ETS1: variants seen among roughly 807,000 people sequenced by gnomAD.
The protein encoded by ETS1 is protein C-ets-1.
Under a neutral mutation model 58.6 loss-of-function variants are expected in ETS1, and 15 were observed. That is an observed-to-expected ratio of 0.26 (90% CI 0.17 to 0.39). The LOEUF (loss-of-function observed/expected upper bound fraction) is 0.39. Ranked by LOEUF, ETS1 falls within the 10% of genes least tolerant of loss-of-function variation. The pLI, the probability that ETS1 is intolerant of heterozygous loss-of-function variation, is 1.00. For synonymous variants in ETS1, 214 were observed against 218.2 expected, an observed-to-expected ratio of 0.98 and a Z score of 0.17; for missense variants, 417 against 610.5, an observed-to-expected ratio of 0.68 and a Z score of 3.34.
chr11:128,522,007 G>C, intron 3 of ETS1: 4 of 1,582,054 alleles, frequency 2.5e-6, no homozygotes, highest in Non-Finnish European at 3.4e-6. Flanking sequence ...TGCCAGGAGT[G>C]GGGGACGTAC....
chr11:128,542,918 A>G (rs969455404), intron 3 of ETS1, among the ~76,000 whole-genome samples: 11 of 152,112 alleles, frequency 7.2e-5, no homozygotes, highest in African/African-American at 2.7e-4. Flanking sequence ...CACACCTGTA[A>G]TCCCAGCACT....
At chr11:128,567,853 C>T (rs1022901565) in intron 2 of ETS1, among the ~76,000 whole-genome samples, 3 of 152,064 alleles carry the variant, frequency 2.0e-5, no homozygotes, top group Admixed American at 2.0e-4. Flanking sequence ...AGGCTGGTCT[C>T]GAACTCCTGA....
chr11:128,521,599 C>T (rs960433472), intron 3 of ETS1, among the ~76,000 whole-genome samples: 3 of 152,126 alleles, frequency 2.0e-5, no homozygotes, highest in African/African-American at 7.2e-5. Flanking sequence ...AGAGGGTTCT[C>T]GCTCATTTGG....
At chr11:128,564,483 C>G (rs570310937) in intron 2 of ETS1, among the ~76,000 whole-genome samples, 8 of 152,220 alleles carry the variant, frequency 5.3e-5, no homozygotes, top group Non-Finnish European at 8.8e-5. Flanking sequence ...TAGGGACCCC[C>G]TGGGGAAGCA....
At chr11:128,468,923 G>T (rs1176632233) in intron 8 of ETS1, among the ~76,000 whole-genome samples, 1 of 152,158 alleles carries the variant, frequency 6.6e-6, no homozygotes, top group African/African-American at 2.4e-5. Context: ...ATCTTACTGA[G>T]CCATATATCC....
intron 3 of ETS1, among the ~76,000 whole-genome samples, chr11:128,494,839 G>A (rs886853314): frequency 1.3e-5 from 2 of 152,128 alleles, no homozygotes; most frequent in East Asian, 3.9e-4. Flanking sequence ...TGGGATCCTA[G>A]GGTTAGGAGA....
intron 5 of ETS1, among the ~76,000 whole-genome samples, chr11:128,488,201 A>T (rs1482365825): frequency 3.3e-5 from 5 of 152,222 alleles, no homozygotes; most frequent in Non-Finnish European, 7.3e-5. Flanking sequence ...TGCATGGAGA[A>T]CATGCCGGTG....
rs1332672790 is a variant in ETS1 at position 128,549,588 on chromosome 11, G to A, written c.214+6703C>T. Reference sequence around the variant, plus strand: ...AATGCTGTTACTTCCTAGGATGTTCGAGAAGCTGCGAGTTCGAGGGCGGGC... The same window carrying A: ...AATGCTGTTACTTCCTAGGATGTTCAAGAAGCTGCGAGTTCGAGGGCGGGC... On this transcript the variant is annotated intron_variant, in intron 3 of 9. Coordinates refer to ENST00000392668, the MANE Select transcript of ETS1 (RefSeq NM_001143820.2). This position sits in a 1 kb window ranked among gnomAD's most constrained non-coding sequence, Gnocchi z 4.3. 6.6e-6 allele frequency among the ~76,000 whole-genome samples: 1 copy of A among 152,168 alleles called. No individual in the cohort carries two copies. The highest frequency in any genetic ancestry group is 1.5e-5 in the Non-Finnish European group (1 of 68,014).
At chr11:128,542,027 T>C (rs779844166) in intron 3 of ETS1, among the ~76,000 whole-genome samples, 3 of 152,210 alleles carry the variant, frequency 2.0e-5, no homozygotes, top group African/African-American at 7.2e-5. Context: ...AGTCTTTTCC[T>C]TCTTTTTCCA....
chr11:128,545,021 G>A (rs555486510), intron 3 of ETS1, among the ~76,000 whole-genome samples: 7 of 148,044 alleles, frequency 4.7e-5, no homozygotes, highest in Non-Finnish European at 1.1e-4. Context: ...CTGGTTGGGG[G>A]TGGGGGGGGC....
chr11:128,463,564 G>C lies in ETS1; in HGVS notation c.1187C>G (p.Ser396Cys), dbSNP rs1334454051. 6.2e-7 allele frequency: 1 copy of C among 1,613,382 alleles called. No homozygotes were observed. Among genetic ancestry groups the C allele is most frequent in the South Asian group, 1.1e-5 (1 of 91,048 alleles). Residue 396 changes from serine (S) to cysteine (C), a missense_variant, in exon 9 of 10, where the codon TCT becomes TGT. Ser to Cys is a moderately radical substitution (Grantham distance 112). Around this residue, in one of 4 missense-constraint regions of ETS1, gnomAD observed 56 missense variants for 156.1 expected, o/e 0.36. Coordinates refer to ENST00000392668, the MANE Select transcript of ETS1 (RefSeq NM_001143820.2). This position sits in a 1 kb window ranked among gnomAD's most constrained non-coding sequence, Gnocchi z 4.1. ...GCCATCTCCTGTCCAGCTGATAAAA[G>C]ACTGACAGGATTTATCAGTGAGTAA... ...LELLTDKSCQ[S>C]FISWTGDGWE...
intron 3 of ETS1, among the ~76,000 whole-genome samples, chr11:128,502,221 G>A (rs1863109574): frequency 6.6e-6 from 1 of 152,186 alleles, no homozygotes; most frequent in Non-Finnish European, 1.5e-5. Flanking sequence ...CAAGAAGGCT[G>A]CCTGCTTAGA....
chr11:128,470,250 T>A (rs1162045437), intron 8 of ETS1, among the ~76,000 whole-genome samples: 2 of 152,070 alleles, frequency 1.3e-5, no homozygotes, highest in African/African-American at 2.4e-5. Context: ...GTCAAAAAAT[T>A]TAAAAATAAA....
intron 3 of ETS1, among the ~76,000 whole-genome samples, chr11:128,498,969 T>C (rs531899936): frequency 6.6e-6 from 1 of 152,242 alleles, no homozygotes; most frequent in Non-Finnish European, 1.5e-5. Context: ...CACAGAGCCA[T>C]GGTCTCTACA....
At chr11:128,476,902 G>C (rs1862338584) in intron 8 of ETS1, among the ~76,000 whole-genome samples, 1 of 152,234 alleles carries the variant, frequency 6.6e-6, no homozygotes, top group Non-Finnish European at 1.5e-5. Context: ...AGGCTTTCAA[G>C]CCACGTTATC....
chr11:128,533,950 CT>C (rs750142150), intron 3 of ETS1, among the ~76,000 whole-genome samples: 2 of 152,204 alleles, frequency 1.3e-5, no homozygotes, highest in African/African-American at 2.4e-5. Flanking sequence ...AAAATAACCA[CT>C]TTATACCAAA....
chr11:128,527,372 C>T (rs1775323503), intron 3 of ETS1: 1 of 168,842 alleles, frequency 5.9e-6, no homozygotes, highest in Non-Finnish European at 1.3e-5. Flanking sequence ...GCAGTTTAGA[C>T]ACGTATTCCT....
chr11:128,526,771 A>T, intron 3 of ETS1: 1 of 347,618 alleles, frequency 2.9e-6, no homozygotes, highest in South Asian at 2.1e-5. Flanking sequence ...AAATTCTGAA[A>T]GAAGATCACA....
At chr11:128,572,483 T>A (rs1284039398) in intron 2 of ETS1, among the ~76,000 whole-genome samples, 2 of 152,206 alleles carry the variant, frequency 1.3e-5, no homozygotes, top group Non-Finnish European at 2.9e-5. Context: ...TTTTGAGAAA[T>A]TTGTCAAAGC....
Sources: gnomAD v4.1 joint callset for allele counts (sites outside exome capture counted in the v4.1 genomes callset) on GRCh38, gnomAD v4.1.1 for gene constraint, gnomAD v4.1.1 regional missense constraint, Gnocchi (gnomAD v3.1) non-coding constraint, MANE v1.5 for transcripts, NCBI Gene and HGNC (gene_info 2026-07-23, HGNC 2026-07-21) for gene names.